ZNF827: variants seen among roughly 807,000 people sequenced by gnomAD.
The protein encoded by ZNF827 is zinc finger protein 827.
A neutral mutation model predicts 102.4 loss-of-function variants in ZNF827; 13 were observed. The observed-to-expected ratio is 0.13, with a 90% CI of 0.08 to 0.20. ZNF827 has a LOEUF of 0.20. Ranked by LOEUF, ZNF827 falls within the 10% of genes least tolerant of loss-of-function variation. The probability of loss-of-function intolerance (pLI) is 1.00; values close to 1 mark genes in which losing one functional copy is unlikely to be tolerated. For synonymous variants in ZNF827, 523 were observed against 536.2 expected (o/e 0.98, Z 0.34); for missense variants, 1,103 against 1,344.4 (o/e 0.82, Z 2.81).
intron 8 of ZNF827, among the ~76,000 whole-genome samples, chr4:145,816,470 T>C (rs760987497): frequency 6.6e-6 from 1 of 152,244 alleles, no homozygotes; most frequent in Non-Finnish European, 1.5e-5. Flanking sequence ...TGCTGGTCTA[T>C]AGGGGCTGAC....
At chr4:145,805,821 G>T (rs1741372799) in intron 8 of ZNF827, among the ~76,000 whole-genome samples, 1 of 151,970 alleles carries the variant, frequency 6.6e-6, no homozygotes, top group Non-Finnish European at 1.5e-5. Flanking sequence ...TCAGGGCCTT[G>T]TTGCTCCCTT....
chr4:145,898,559 A>G (rs992696991), intron 2 of ZNF827, among the ~76,000 whole-genome samples: 1 of 152,202 alleles, frequency 6.6e-6, no homozygotes, highest in Non-Finnish European at 1.5e-5. Context: ...AATTCAGTCA[A>G]TGTGTGACAT....
chr4:145,873,348 G>T (rs181954528), intron 4 of ZNF827, among the ~76,000 whole-genome samples: 70 of 152,316 alleles, frequency 4.6e-4, no homozygotes, highest in African/African-American at 1.7e-3. Context: ...CTCCAAATTA[G>T]TGGCATCCAA....
intron 1 of ZNF827, among the ~76,000 whole-genome samples, chr4:145,937,420 G>C (rs1754273531): frequency 6.6e-6 from 1 of 151,674 alleles, no homozygotes; most frequent in Non-Finnish European, 1.5e-5. Context: ...ATTTTATTGC[G>C]GCCAGGAGCC....
intron 1 of ZNF827, among the ~76,000 whole-genome samples, chr4:145,933,024 C>T (rs970041610): frequency 5.9e-5 from 9 of 152,236 alleles, no homozygotes; most frequent in Admixed American, 5.9e-4. Flanking sequence ...TTTATTAACA[C>T]TTTGTGCAGC....
At chr4:145,919,601 A>G (rs1458985167) in intron 1 of ZNF827, among the ~76,000 whole-genome samples, 1 of 152,254 alleles carries the variant, frequency 6.6e-6, no homozygotes, top group African/African-American at 2.4e-5. Context: ...ACAAGCTCTT[A>G]GACATGGTAT....
At chr4:145,894,714 G>C (rs1276592813) in intron 2 of ZNF827, among the ~76,000 whole-genome samples, 1 of 152,078 alleles carries the variant, frequency 6.6e-6, no homozygotes, top group East Asian at 1.9e-4. Context: ...AGGAAATGAG[G>C]GTTTCCTTTT....
chr4:145,822,364 A>C (rs113755835), intron 8 of ZNF827, among the ~76,000 whole-genome samples: 1 of 151,786 alleles, frequency 6.6e-6, no homozygotes, highest in Non-Finnish European at 1.5e-5. Flanking sequence ...GTTTGTCACA[A>C]ACTATTTCCA....
chr4:145,904,411 G>GAAAAC (rs1368984260), intron 1 of ZNF827, among the ~76,000 whole-genome samples: 1 of 152,208 alleles, frequency 6.6e-6, no homozygotes, highest in Non-Finnish European at 1.5e-5. Context: ...ACCACATAGG[G>GAAAAC]CAAGACAGGG....
intron 6 of ZNF827, 141 bp downstream of exon 6, chr4:145,849,181 A>G: frequency 3.0e-6 from 3 of 983,668 alleles, no homozygotes; most frequent in Non-Finnish European, 4.4e-6. Flanking sequence ...TTTGGGTGGC[A>G]GTATGCATGT....
chr4:145,844,401 G>A (rs898806295), intron 7 of ZNF827, among the ~76,000 whole-genome samples: 2 of 148,108 alleles, frequency 1.4e-5, no homozygotes, highest in Non-Finnish European at 3.0e-5. Flanking sequence ...CAGTGTGAGC[G>A]AATCACGGTG....
intron 1 of ZNF827, among the ~76,000 whole-genome samples, chr4:145,914,252 A>G (rs1752513570): frequency 6.6e-6 from 1 of 152,216 alleles, no homozygotes; most frequent in Admixed American, 6.5e-5. Context: ...GCAAGGGAAA[A>G]GAGACAAAAT....
chr4:145,871,799 A>G (rs1435758206), intron 4 of ZNF827, among the ~76,000 whole-genome samples: 1 of 152,164 alleles, frequency 6.6e-6, no homozygotes, highest in Non-Finnish European at 1.5e-5. Context: ...TTCTGGAATC[A>G]CAAGTTCACA....
intron 4 of ZNF827, among the ~76,000 whole-genome samples, chr4:145,885,078 C>T (rs1289942066): frequency 6.6e-6 from 1 of 151,556 alleles, no homozygotes; most frequent in African/African-American, 2.4e-5. Flanking sequence ...GAACTGTGCA[C>T]CTAAAATGGT....
At chr4:145,885,317 G>A (rs1010243813) in intron 4 of ZNF827, among the ~76,000 whole-genome samples, 1 of 151,988 alleles carries the variant, frequency 6.6e-6, no homozygotes, top group Non-Finnish European at 1.5e-5. Flanking sequence ...CAGTGCAGAA[G>A]AGACATGTTA....
At chr4:145,911,129 A>G (rs1451828599) in intron 1 of ZNF827, among the ~76,000 whole-genome samples, 3 of 152,252 alleles carry the variant, frequency 2.0e-5, no homozygotes, top group Non-Finnish European at 4.4e-5. Flanking sequence ...TGAGTCAAAC[A>G]TGGAACAGGG....
chr4:145,768,686 A>T (rs950466037), intron 11 of ZNF827, among the ~76,000 whole-genome samples: 8 of 149,320 alleles, frequency 5.4e-5, no homozygotes, highest in Non-Finnish European at 1.0e-4. Context: ...TTAGAACCTA[A>T]CTTCCTTTAT....
At chr4:145,846,312 A>G (rs1270068549) in intron 6 of ZNF827, among the ~76,000 whole-genome samples, 1 of 151,898 alleles carries the variant, frequency 6.6e-6, no homozygotes, top group African/African-American at 2.4e-5. Context: ...CACCGTCTCT[A>G]CTAAAAATAC....
rs917872106 is a variant in ZNF827, at chr4:145,765,421, G to A, written c.3052+126C>T. ...AAAAGAAATACAACCTTTAGGTGAG[G>A]CCCAGCATACTGCATCCTGGGCCTA... is the stretch of plus-strand genomic sequence containing the variant. On this transcript the variant is annotated intron_variant, in intron 12 of 14. Transcript: ENST00000508784. This position sits in a 1 kb window ranked among gnomAD's most constrained non-coding sequence, Gnocchi z 4.7. 30 of 1,197,326 alleles carry A rather than the reference G, an allele frequency of 2.5e-5. No homozygotes were observed. The highest frequency in any genetic ancestry group is 3.5e-5 in the Non-Finnish European group (30 of 867,916). The allele number at this position is 1,197,326 out of a possible 1,614,324, so 74.2% of individuals were successfully genotyped here. A position where few individuals can be genotyped will look rare whatever the true frequency, so the allele number is the denominator to read the frequency against.
Sources: gnomAD v4.1 joint callset for allele counts (sites outside exome capture counted in the v4.1 genomes callset) on GRCh38, gnomAD v4.1.1 for gene constraint, Gnocchi (gnomAD v3.1) non-coding constraint, MANE v1.5 for transcripts, NCBI Gene and HGNC (gene_info 2026-07-23, HGNC 2026-07-21) for gene names.